The following POLD1 variants were observed in gnomAD, a reference collection of about 807,000 sequenced individuals.
The protein encoded by POLD1 is DNA polymerase delta 1, catalytic subunit, also known as DNA polymerase delta catalytic subunit.
In POLD1, 79 loss-of-function variants were observed where a neutral mutation model predicts 129.7. The observed-to-expected ratio is 0.61, with a 90% CI of 0.51 to 0.73. The LOEUF (loss-of-function observed/expected upper bound fraction) is 0.73, where lower values mean the gene tolerates loss of function less well. POLD1 is among the 30% of genes least tolerant of loss of function. The pLI, the probability that POLD1 is intolerant of heterozygous loss-of-function variation, is 0.00. For missense variants in POLD1, 1,338 were observed against 1,595.8 expected (o/e 0.84, Z 2.75); for synonymous variants, 714 against 683.3 (o/e 1.04, Z -0.70).
Position 50,406,885 on chromosome 19 carries a change from C to T in POLD1, c.1495-98C>T. 9.7e-7 allele frequency: 1 copy of T among 1,035,972 alleles called. No individual in the cohort carries two copies. Among genetic ancestry groups the T allele is most frequent in the Non-Finnish European group, 1.4e-6 (1 of 709,714 alleles). The allele number at this position is 1,035,972 out of a possible 1,614,324, so 64.2% of individuals were successfully genotyped here. ...CTCCTGCCCGCCTCACCTCCCAGGC[C>T]CTCCCCAGGCTACCTCACCCTGACC... is the stretch of plus-strand genomic sequence containing the variant. On this transcript the variant is annotated intron_variant, in intron 12 of 26. Coordinates refer to ENST00000440232, the MANE Select transcript of POLD1 (RefSeq NM_002691.4). The surrounding 1 kb of genome is among the most constrained non-coding windows in gnomAD (Gnocchi z 5.5).
rs1037192006 is a variant in POLD1 at position 50,415,093 on chromosome 19, G to A, written c.2564+103G>A. ...CCAGCCCCTCCTCCCTCAGACCCAC[G>A]GGTCCAGGCCCCCAGCCCCCTCCTC... On this transcript the variant is annotated intron_variant, in intron 20 of 26. Transcript: ENST00000440232. 72 of 1,121,260 alleles carry A rather than the reference G, an allele frequency of 6.4e-5. 1 individual carries two copies. Among genetic ancestry groups the A allele is most frequent in the Admixed American group, 2.5e-4 (8 of 31,604 alleles). The allele number at this position is 1,121,260 out of a possible 1,614,324, so 69.5% of individuals were successfully genotyped here. A position where few individuals can be genotyped will look rare whatever the true frequency, so the allele number is the denominator to read the frequency against.
rs371211052 is a variant in POLD1 at position 50,406,973 on chromosome 19, C to T, written c.1495-10C>T. 1 of 1,584,240 alleles carries T rather than the reference C, an allele frequency of 6.3e-7. No individual in the cohort carries two copies. The highest frequency in any genetic ancestry group is 1.3e-5 in the African/African-American group (1 of 74,428). ...CCCTGGTCCCTGACCCCATCCGTGCCCATCCCCAGAATGGGAACGACCAGA... is the reference window on the plus strand; with the variant it reads ...CCCTGGTCCCTGACCCCATCCGTGCTCATCCCCAGAATGGGAACGACCAGA... On this transcript the variant is annotated splice_polypyrimidine_tract_variant and intron_variant, in intron 12 of 26. Transcript: ENST00000440232. The surrounding 1 kb of genome is among the most constrained non-coding windows in gnomAD (Gnocchi z 5.5).
intron 14 of POLD1, among the ~76,000 whole-genome samples, chr19:50,408,038 A>G (rs2038962606): frequency 6.6e-6 from 1 of 151,002 alleles, no homozygotes. Context: ...CCCGGCCCTA[A>G]AATAAATTAA....
Position 50,403,604 on chromosome 19 carries a change from GC to G in POLD1, c.1242+8del. On this transcript the variant is annotated splice_region_variant and intron_variant, in intron 10 of 26. Coordinates refer to ENST00000440232, the MANE Select transcript of POLD1 (RefSeq NM_002691.4). The stretch of plus-strand genomic sequence containing the variant: ...TCGGGCCCAGACCCTCAAGGTGAGG[GC>G]TGGGCAGGTGGGAGGCTTCTCTCAG... 1 of 1,581,596 alleles carries G rather than the reference GC, an allele frequency of 6.3e-7. No individual in the cohort carries two copies. The highest frequency in any genetic ancestry group is 8.7e-7 in the Non-Finnish European group (1 of 1,150,210).
intron 1 of POLD1, among the ~76,000 whole-genome samples, 173 bp from the exon 2 acceptor site, chr19:50,398,678 C>G (rs530633249): frequency 6.6e-6 from 1 of 151,300 alleles, no homozygotes; most frequent in Non-Finnish European, 1.5e-5. Context: ...AACAATTGAG[C>G]GTCTGGAATG....
chr19:50,404,221 A>G (rs1395923238), intron 10 of POLD1, among the ~76,000 whole-genome samples: 1 of 150,810 alleles, frequency 6.6e-6, no homozygotes, highest in African/African-American at 2.4e-5. Context: ...GTGCCTCTTC[A>G]CACCGTCTTC....
At chr19:50,413,548 A>C in intron 18 of POLD1, 27 bp downstream of exon 18, 1 of 1,574,936 alleles carries the variant, frequency 6.3e-7, no homozygotes, top group Non-Finnish European at 8.7e-7. Context: ...CGCTGCCCTG[A>C]GATGGGCCCA....
At position 50,406,594 on chromosome 19, in the gene POLD1, T is replaced by G; in HGVS notation, c.1494+77T>G. ...CCTTCCCCGGCCTCTGACCTCAACT[T>G]CACGCCCCCACGTCTGACCTCACTC... On this transcript the variant is annotated intron_variant, in intron 12 of 26. Coordinates refer to ENST00000440232, the MANE Select transcript of POLD1 (RefSeq NM_002691.4). The surrounding 1 kb of genome is among the most constrained non-coding windows in gnomAD (Gnocchi z 5.5). 9.3e-7 allele frequency: 1 copy of G among 1,074,048 alleles called. No homozygotes were observed. The highest frequency in any genetic ancestry group is 1.4e-6 in the Non-Finnish European group (1 of 717,408). The allele number at this position is 1,074,048 out of a possible 1,614,324, so 66.5% of individuals were successfully genotyped here. A position where few individuals can be genotyped will look rare whatever the true frequency, so the allele number is the denominator to read the frequency against.
chr19:50,402,006 GC>G lies in POLD1; in HGVS notation c.474del (p.Glu159SerfsTer10), dbSNP rs752495905. 3 of 1,613,912 alleles carry G rather than the reference GC, an allele frequency of 1.9e-6. No homozygotes were observed. Among genetic ancestry groups the G allele is most frequent in the Non-Finnish European group, 2.5e-6 (3 of 1,179,984 alleles). ...FYTPAPPGFG[P>X]EHMGDLQREL... The stretch of plus-strand genomic sequence containing the variant: ...TCATCCCTCCCACACCAGGTTTCGG[GC>G]CCGAGCACATGGGTGACCTGCAACG... On this transcript the variant is annotated frameshift_variant, in exon 5 of 27. Coordinates refer to ENST00000440232, the MANE Select transcript of POLD1 (RefSeq NM_002691.4). LOFTEE classifies it high-confidence loss of function.
At position 50,409,615 on chromosome 19, in the gene POLD1, C is replaced by T. The variant is rs201483538; in HGVS notation, c.2103C>T (p.Tyr701=). 1,388 of 1,610,402 alleles carry T rather than the reference C, an allele frequency of 8.6e-4. 4 individuals carry two copies. The highest frequency in any genetic ancestry group is 3.1e-3 in the South Asian group (280 of 91,020). Residue 701 remains tyrosine, a synonymous_variant, in exon 17 of 27, where the codon TAC becomes TAT. Coordinates refer to ENST00000440232, the MANE Select transcript of POLD1 (RefSeq NM_002691.4). This position sits in a 1 kb window ranked among gnomAD's most constrained non-coding sequence, Gnocchi z 5.8. ...LALKVSANSV[Y]GFTGAQVGKL... ...TGAAGGTGAGCGCCAACTCCGTATA[C>T]GGCTTCACTGGCGCCCAGGTGGGCA...
chr19:50,402,998 G>T (rs2038717747), intron 8 of POLD1, 55 bp from the exon 9 acceptor site: 2 of 1,539,794 alleles, frequency 1.3e-6, no homozygotes, highest in Non-Finnish European at 8.8e-7. Flanking sequence ...CAGCCTCCCT[G>T]CTGTGTTGGG....
Position 50,409,975 on chromosome 19 carries a change from G to A in POLD1, c.2154+309G>A, listed in dbSNP as rs539643381. On this transcript the variant is annotated intron_variant, in intron 17 of 26. Coordinates refer to ENST00000440232, the MANE Select transcript of POLD1 (RefSeq NM_002691.4). The surrounding 1 kb of genome is among the most constrained non-coding windows in gnomAD (Gnocchi z 5.8). ...GACACTGACAGGTCTGTGTAAACGT[G>A]TTTAGGACACAAGTGGCGCTACGAG... Among the ~76,000 whole-genome samples, 1 of 152,358 alleles carries A rather than the reference G, an allele frequency of 6.6e-6. No individual in the cohort carries two copies. Among genetic ancestry groups the A allele is most frequent in the Non-Finnish European group, 1.5e-5 (1 of 68,036 alleles).
chr19:50,404,773 A>C (rs1265976333), intron 10 of POLD1, among the ~76,000 whole-genome samples: 3 of 142,380 alleles, frequency 2.1e-5, no homozygotes, highest in Non-Finnish European at 4.6e-5. Context: ...TTGTTTCTTG[A>C]GATGGAATTT....
At chr19:50,394,262 C>T (rs925231744) in intron 1 of POLD1, among the ~76,000 whole-genome samples, 5 of 152,242 alleles carry the variant, frequency 3.3e-5, no homozygotes, top group South Asian at 2.1e-4. Flanking sequence ...GTCACGTGGC[C>T]CTCCTGGCAG....
chr19:50,409,848 C>G lies in POLD1; in HGVS notation c.2154+182C>G, dbSNP rs2039031660. ...CATTCCTTCACTCAGCAAATGCCTACTGAGCACACACTGTGGTCAGGGCTC... is the reference window on the plus strand; with the variant it reads ...CATTCCTTCACTCAGCAAATGCCTAGTGAGCACACACTGTGGTCAGGGCTC... On this transcript the variant is annotated intron_variant, in intron 17 of 26. Transcript: ENST00000440232. The surrounding 1 kb of genome is among the most constrained non-coding windows in gnomAD (Gnocchi z 5.8). 6.6e-6 allele frequency among the ~76,000 whole-genome samples: 1 copy of G among 152,244 alleles called. No homozygotes were observed.
chr19:50,394,648 C>A (rs1028952572), intron 1 of POLD1, among the ~76,000 whole-genome samples: 26 of 151,540 alleles, frequency 1.7e-4, no homozygotes, highest in Admixed American at 5.3e-4. Flanking sequence ...AGTGAGACTC[C>A]GTCTAAAAAA....
intron 22 of POLD1, 40 bp from the exon 23 acceptor site, chr19:50,416,356 T>C (rs956550449): frequency 2.6e-6 from 4 of 1,543,696 alleles, no homozygotes; most frequent in African/African-American, 2.7e-5. Context: ...CCCGGTGCCC[T>C]TTCCCTGGCT....
At chr19:50,398,778 A>T in intron 1 of POLD1, 73 bp from the exon 2 acceptor site, 1 of 1,553,578 alleles carries the variant, frequency 6.4e-7, no homozygotes. Context: ...TGGTGGGTGC[A>T]TGGGATGCCA....
At chr19:50,410,174 C>T (rs1435159250) in intron 17 of POLD1, among the ~76,000 whole-genome samples, 1 of 152,210 alleles carries the variant, frequency 6.6e-6, no homozygotes, top group Non-Finnish European at 1.5e-5. Context: ...AGCTCTGCTG[C>T]TTGAACAGAA....
Sources: allele counts gnomAD v4.1 joint callset (sites outside exome capture counted in the v4.1 genomes callset), GRCh38; gene constraint gnomAD v4.1.1; non-coding constraint Gnocchi (gnomAD v3.1); transcripts MANE v1.5; gene names NCBI Gene and HGNC (gene_info 2026-07-23, HGNC 2026-07-21).